ALPK1: variants seen among roughly 807,000 people sequenced by gnomAD.
ALPK1 encodes alpha kinase 1.
A neutral mutation model predicts 120.6 loss-of-function variants in ALPK1; 110 were observed. The ratio of observed to expected loss-of-function variants is 0.91; its 90% CI spans 0.78 to 1.07. ALPK1 has a LOEUF of 1.07. Ranked by LOEUF, ALPK1 falls within the 50% of genes least tolerant of loss-of-function variation. The probability of loss-of-function intolerance (pLI) is 0.00; values close to 1 mark genes in which losing one functional copy is unlikely to be tolerated. For synonymous variants in ALPK1, 582 were observed against 560.3 expected (o/e 1.04, Z -0.55); for missense variants, 1,498 against 1,483.9 (o/e 1.01, Z -0.16).
At chr4:112,429,123 C>T (rs780347557) in intron 9 of ALPK1, 26 bp from the exon 10 acceptor site, 5 of 1,589,732 alleles carry the variant, frequency 3.1e-6, no homozygotes, top group Non-Finnish European at 4.3e-6. Flanking sequence ...TATCACCATT[C>T]CACTTAGCCT....
At chr4:112,438,804 T>G (rs1327544448) in intron 13 of ALPK1, among the ~76,000 whole-genome samples, 158 bp downstream of exon 13, 2 of 152,170 alleles carry the variant, frequency 1.3e-5, no homozygotes, top group Non-Finnish European at 2.9e-5. Context: ...CCCTAAAGAT[T>G]TATCTAGTAC....
At chr4:112,370,244 T>A (rs887606560) in intron 2 of ALPK1, among the ~76,000 whole-genome samples, 2 of 152,200 alleles carry the variant, frequency 1.3e-5, no homozygotes, top group Non-Finnish European at 2.9e-5. Flanking sequence ...AATTTGTATA[T>A]CAAAATCACA....
chr4:112,424,561 G>A (rs1331201960), intron 6 of ALPK1, among the ~76,000 whole-genome samples: 6 of 152,176 alleles, frequency 3.9e-5, no homozygotes, highest in African/African-American at 1.4e-4. Context: ...GAATTTCTGG[G>A]CATTTAAGTT....
chr4:112,320,382 C>A (rs1159926448), intron 2 of ALPK1, among the ~76,000 whole-genome samples: 2 of 152,180 alleles, frequency 1.3e-5, no homozygotes, highest in Non-Finnish European at 2.9e-5. Flanking sequence ...CCCTGCATCC[C>A]TGGTATGAAA....
In ALPK1 at chr4:112,392,801, G is replaced by A. The variant is rs557262595; in HGVS notation, c.276+10249G>A. ...CTGCCTAGGCCTCCCAAAGTGCTGG[G>A]ATTGCCGGATTGAACCACTGCACCT... On this transcript the variant is annotated intron_variant, in intron 4 of 15. Transcript: ENST00000650871. 4.5e-4 allele frequency among the ~76,000 whole-genome samples: 69 copies of A among 152,324 alleles called. No individual in the cohort carries two copies. In the South Asian group the frequency reaches 5.2e-3, roughly 11 times the overall value.
intron 2 of ALPK1, chr4:112,316,114 C>T (rs1369826574): frequency 1.3e-5 from 2 of 152,202 alleles, no homozygotes; most frequent in East Asian, 1.9e-4. Context: ...CACATTGTTG[C>T]ACTGCAATAA....
intron 2 of ALPK1, among the ~76,000 whole-genome samples, chr4:112,338,132 A>C (rs983532002): frequency 6.6e-6 from 1 of 152,006 alleles, no homozygotes; most frequent in Non-Finnish European, 1.5e-5. Flanking sequence ...ATGCCCAGCT[A>C]ATTTTTGTAT....
At chr4:112,323,809 GGATTTTGGCAGACGGCAT>G (rs1728969369) in intron 2 of ALPK1, among the ~76,000 whole-genome samples, 1 of 152,132 alleles carries the variant, frequency 6.6e-6, no homozygotes, top group Admixed American at 6.5e-5. Context: ...GTTATTTCAT[GGATTTTGGCAGACGGCAT>G]GAAACTCCTG....
At chr4:112,400,620 C>T (rs759296752) in intron 4 of ALPK1, among the ~76,000 whole-genome samples, 2 of 152,006 alleles carry the variant, frequency 1.3e-5, no homozygotes, top group African/African-American at 2.4e-5. Context: ...GCAGATAATT[C>T]GATATAATTT....
chr4:112,346,774 C>T (rs992723394), intron 2 of ALPK1, among the ~76,000 whole-genome samples: 7 of 152,182 alleles, frequency 4.6e-5, no homozygotes, highest in Admixed American at 3.9e-4. Flanking sequence ...TAGCCAACAT[C>T]GAAAAACAAA....
intron 2 of ALPK1, among the ~76,000 whole-genome samples, chr4:112,370,538 G>A (rs977715659): frequency 3.9e-5 from 6 of 152,270 alleles, no homozygotes; most frequent in African/African-American, 1.4e-4. Flanking sequence ...TTCAGGGGAG[G>A]AAAAACTGAT....
intron 2 of ALPK1, chr4:112,356,463 G>A (rs1317582194): frequency 1.1e-6 from 1 of 950,796 alleles, no homozygotes; most frequent in Non-Finnish European, 1.7e-6. Flanking sequence ...GATCATTTAC[G>A]CCTTTAGGAC....
chr4:112,417,360 C>T (rs1733790370), intron 5 of ALPK1, among the ~76,000 whole-genome samples: 1 of 152,098 alleles, frequency 6.6e-6, no homozygotes, highest in African/African-American at 2.4e-5. Flanking sequence ...GGCAATATCA[C>T]TTATATAATT....
chr4:112,416,962 TAAAG>T (rs1733773836), intron 5 of ALPK1, among the ~76,000 whole-genome samples: 1 of 151,798 alleles, frequency 6.6e-6, no homozygotes, highest in African/African-American at 2.4e-5. Context: ...AAGAAAGTCT[TAAAG>T]AAACAGACAG....
rs148065596 is a variant in ALPK1, at chr4:112,405,396, T to C, written c.277-6431T>C. ...AAAAGCCACCTCCCGGGAAGTCTTCTTTCCTTTCTCTCATTTTTAAATATA... is the reference window on the plus strand; with the variant it reads ...AAAAGCCACCTCCCGGGAAGTCTTCCTTCCTTTCTCTCATTTTTAAATATA... On this transcript the variant is annotated intron_variant, in intron 4 of 15. Transcript: ENST00000650871. 3.9e-3 allele frequency among the ~76,000 whole-genome samples: 587 copies of C among 152,250 alleles called. 4 individuals carry two copies. The highest frequency in any genetic ancestry group is 0.014 in the African/African-American group (563 of 41,538).
chr4:112,352,971 C>CTTTCCTT (rs1730431050), intron 2 of ALPK1: 1 of 117,624 alleles, frequency 8.5e-6, no homozygotes, highest in South Asian at 2.9e-4. Flanking sequence ...CTTTCCTTTC[C>CTTTCCTT]TTTTTTTTTT....
intron 1 of ALPK1, among the ~76,000 whole-genome samples, chr4:112,301,648 G>A (rs1727792304): frequency 6.6e-6 from 1 of 152,176 alleles, no homozygotes; most frequent in African/African-American, 2.4e-5. Flanking sequence ...ACAAGCACTT[G>A]TGATAGAGAC....
chr4:112,306,962 A>G (rs373367821), intron 1 of ALPK1, among the ~76,000 whole-genome samples: 2 of 152,000 alleles, frequency 1.3e-5, no homozygotes, highest in African/African-American at 4.8e-5. Flanking sequence ...CTTTGTTCTC[A>G]TTGGTTTCAA....
intron 2 of ALPK1, among the ~76,000 whole-genome samples, chr4:112,352,028 T>C (rs1730383880): frequency 6.6e-6 from 1 of 152,224 alleles, no homozygotes; most frequent in African/African-American, 2.4e-5. Flanking sequence ...GAATTACCTG[T>C]GCAAGTGCCT....
Sources: allele counts gnomAD v4.1 joint callset (sites outside exome capture counted in the v4.1 genomes callset), GRCh38; gene constraint gnomAD v4.1.1; transcripts MANE v1.5; gene names NCBI Gene and HGNC (gene_info 2026-07-23, HGNC 2026-07-21).